Variants in SLC16A7 observed in about 807,000 individuals in gnomAD.
SLC16A7 encodes the protein solute carrier family 16 member 7, also known as monocarboxylate transporter 2.
Under a neutral mutation model 34.9 loss-of-function variants are expected in SLC16A7, and 33 were observed. That is an observed-to-expected ratio of 0.94 (90% CI 0.72 to 1.26). The LOEUF is 1.26. Ranked by LOEUF, SLC16A7 falls within the 50% of genes most tolerant of loss-of-function variation. SLC16A7 has a pLI of 0.00. For missense variants in SLC16A7, 573 were observed against 578.1 expected (o/e 0.99, Z 0.09); for synonymous variants, 201 against 206.6 (o/e 0.97, Z 0.23).
chr12:59,702,384 T>G (rs1046751537), intron 2 of SLC16A7, among the ~76,000 whole-genome samples: 3 of 152,046 alleles, frequency 2.0e-5, no homozygotes, highest in African/African-American at 7.2e-5. Flanking sequence ...AGAAAACGTT[T>G]ATGTTTCTAA....
At chr12:59,772,002 C>T (rs983232046) in intron 4 of SLC16A7, among the ~76,000 whole-genome samples, 1 of 152,100 alleles carries the variant, frequency 6.6e-6, no homozygotes, top group Admixed American at 6.6e-5. Context: ...TATCTATTGA[C>T]TCAAAATGAC....
rs759867847 is a variant in SLC16A7 at position 59,771,324 on chromosome 12, G to A, written c.323G>A (p.Ser108Asn). 1.9e-6 allele frequency: 3 copies of A among 1,612,552 alleles called. 1 individual carries two copies. The Admixed American group carries it at 5.0e-5, about 27-fold the overall frequency. Residue 108 changes from serine to asparagine, a missense_variant, in exon 4 of 6, where the codon AGC (serine) becomes AAC (asparagine). Coordinates refer to ENST00000547379, the MANE Select transcript of SLC16A7 (RefSeq NM_001270623.2). The part of the protein sequence containing the change: ...LGMVLASFSS[S>N]VVQLYLTMGF... ...ATGGTGTTGGCCTCCTTTAGTAGCA[G>A]CGTGGTACAGCTGTACCTCACTATG...
intron 3 of SLC16A7, among the ~76,000 whole-genome samples, chr12:59,766,258 C>T (rs1324826074): frequency 1.3e-5 from 2 of 152,168 alleles, no homozygotes; most frequent in East Asian, 3.8e-4. Flanking sequence ...TCTAGATATA[C>T]AATCATGTCA....
intron 3 of SLC16A7, among the ~76,000 whole-genome samples, chr12:59,739,726 G>T (rs1169516221): frequency 6.6e-6 from 1 of 152,080 alleles, no homozygotes; most frequent in Non-Finnish European, 1.5e-5. Flanking sequence ...ACTTTTTAAT[G>T]ATTGCCATTC....
At position 59,704,856 on chromosome 12, in the gene SLC16A7, G is replaced by C; in HGVS notation, c.55G>C (p.Gly19Arg). 6.2e-7 allele frequency: 1 copy of C among 1,613,824 alleles called. No individual in the cohort carries two copies. Among genetic ancestry groups the C allele is most frequent in the South Asian group, 1.1e-5 (1 of 91,078 alleles). ...GCATCCACCTCCAGATGGAGGATGGGGTTGGATTGTGGTTGGAGCAGCTTT... is the reference window on the plus strand; with the variant it reads ...GCATCCACCTCCAGATGGAGGATGGCGTTGGATTGTGGTTGGAGCAGCTTT... Reference protein sequence around the residue: ...PVHPPPDGGWGWIVVGAAFIS... With the variant: ...PVHPPPDGGWRWIVVGAAFIS... Residue 19 changes from glycine (G) to arginine (R), a missense_variant, in exon 3 of 6, where the codon GGT becomes CGT. Transcript: ENST00000547379.
chr12:59,757,480 T>G (rs911441712), intron 3 of SLC16A7, among the ~76,000 whole-genome samples: 3 of 152,158 alleles, frequency 2.0e-5, no homozygotes, highest in Admixed American at 2.0e-4. Flanking sequence ...TATTCAAGAC[T>G]GCTTTTGATT....
chr12:59,758,588 A>G (rs1181126305), intron 3 of SLC16A7, among the ~76,000 whole-genome samples: 3 of 152,150 alleles, frequency 2.0e-5, no homozygotes, highest in Non-Finnish European at 4.4e-5. Context: ...AAACAAAAAA[A>G]GAGATAGACC....
chr12:59,680,194 C>A (rs1208957612), intron 2 of SLC16A7, among the ~76,000 whole-genome samples: 1 of 152,130 alleles, frequency 6.6e-6, no homozygotes, highest in African/African-American at 2.4e-5. Flanking sequence ...AAGTGGAAAC[C>A]AGTCCAAGTC....
chr12:59,632,465 G>T lies in SLC16A7; in HGVS notation c.-129-22687G>T, dbSNP rs373997339. Among the ~76,000 whole-genome samples, 10 of 152,068 alleles carry T rather than the reference G, an allele frequency of 6.6e-5. No homozygotes were observed. In the East Asian group the frequency reaches 1.9e-3, roughly 30 times the overall value. On this transcript the variant is annotated intron_variant, in intron 1 of 5. Coordinates refer to ENST00000547379, the MANE Select transcript of SLC16A7 (RefSeq NM_001270623.2). ...GCATCTACCCAGTTCTGGGACTAGGGTTGGGTAAGGGAGGCAGCTGGGGCA... is the reference window on the plus strand; with the variant it reads ...GCATCTACCCAGTTCTGGGACTAGGTTTGGGTAAGGGAGGCAGCTGGGGCA...
intron 2 of SLC16A7, among the ~76,000 whole-genome samples, chr12:59,663,414 C>T (rs1868961199): frequency 6.6e-6 from 1 of 151,794 alleles, no homozygotes; most frequent in South Asian, 2.1e-4. Flanking sequence ...TATTCTTTTA[C>T]CCTTTTTAAA....
chr12:59,696,365 T>C (rs913242257), intron 2 of SLC16A7: 7 of 152,146 alleles, frequency 4.6e-5, no homozygotes, highest in African/African-American at 1.7e-4. Flanking sequence ...CAAATATGCA[T>C]GTAACAATTT....
intron 3 of SLC16A7, among the ~76,000 whole-genome samples, chr12:59,739,179 G>C (rs1180984465): frequency 7.2e-6 from 1 of 139,726 alleles, no homozygotes; most frequent in Non-Finnish European, 1.5e-5. Flanking sequence ...ATCTCCTAAA[G>C]CTATCCCTCC....
At chr12:59,758,427 T>C (rs538180808) in intron 3 of SLC16A7, among the ~76,000 whole-genome samples, 1 of 152,156 alleles carries the variant, frequency 6.6e-6, no homozygotes, top group Non-Finnish European at 1.5e-5. Context: ...ACTTTGTTTT[T>C]AATGAAACTA....
chr12:59,789,823 TA>T lies in SLC16A7; in HGVS notation c.*10151del, dbSNP rs1321607153. On this transcript the variant is annotated 3_prime_UTR_variant, in exon 6 of 6. Transcript: ENST00000547379. ...ATTGCTTATTAAATTAAAATTAAAATAAAAAAATTCATGTTAAATTTTTGAA... is the reference window on the plus strand; with the variant it reads ...ATTGCTTATTAAATTAAAATTAAAATAAAAAATTCATGTTAAATTTTTGAA... 5 of 151,994 alleles carry T rather than the reference TA, an allele frequency of 3.3e-5. No individual in the cohort carries two copies. Among genetic ancestry groups the T allele is most frequent in the South Asian group, 2.1e-4 (1 of 4,830 alleles). The allele number at this position is 151,994 out of a possible 1,614,324, so 9.4% of individuals were successfully genotyped here. A position where few individuals can be genotyped will look rare whatever the true frequency, so the allele number is the denominator to read the frequency against.
intron 1 of SLC16A7, among the ~76,000 whole-genome samples, chr12:59,608,493 G>A (rs1467032795): frequency 6.6e-6 from 1 of 152,200 alleles, no homozygotes; most frequent in Non-Finnish European, 1.5e-5. Flanking sequence ...TTCAGAGGAA[G>A]CCACAGATAA....
At chr12:59,598,095 A>G (rs917923645) in intron 1 of SLC16A7, among the ~76,000 whole-genome samples, 1 of 152,222 alleles carries the variant, frequency 6.6e-6, no homozygotes, top group Non-Finnish European at 1.5e-5. Context: ...TGGATCACGG[A>G]TCTGAAATAA....
intron 3 of SLC16A7, among the ~76,000 whole-genome samples, chr12:59,733,204 A>G (rs973761702): frequency 6.6e-5 from 10 of 152,158 alleles, no homozygotes; most frequent in African/African-American, 2.2e-4. Flanking sequence ...GTTTTGTTCA[A>G]GCCTGCTGGG....
intron 3 of SLC16A7, among the ~76,000 whole-genome samples, chr12:59,752,156 A>G (rs1326995018): frequency 6.7e-6 from 1 of 148,564 alleles, no homozygotes; most frequent in Non-Finnish European, 1.5e-5. Context: ...AAAGATGGGG[A>G]AAAAACAGCA....
intron 3 of SLC16A7, among the ~76,000 whole-genome samples, chr12:59,748,667 A>G (rs1391061909): frequency 6.6e-6 from 1 of 152,166 alleles, no homozygotes; most frequent in Non-Finnish European, 1.5e-5. Flanking sequence ...CAAAAATACT[A>G]CTGTAAGAAA....
Sources: allele counts gnomAD v4.1 joint callset (sites outside exome capture counted in the v4.1 genomes callset), GRCh38; gene constraint gnomAD v4.1.1; transcripts MANE v1.5; gene names NCBI Gene and HGNC (gene_info 2026-07-23, HGNC 2026-07-21).